The following MAMLD1 variants were observed in gnomAD, a reference collection of about 807,000 sequenced individuals.
The protein encoded by MAMLD1 is mastermind-like domain-containing protein 1.
Under a neutral mutation model 45.0 loss-of-function variants are expected in MAMLD1, and 14 were observed. The ratio of observed to expected loss-of-function variants is 0.31; its 90% CI spans 0.21 to 0.49. The LOEUF is 0.49. Among genes scored for constraint, MAMLD1 ranks in the 20% least tolerant of loss-of-function variants. The pLI, the probability that MAMLD1 is intolerant of heterozygous loss-of-function variation, is 0.99. For synonymous variants in MAMLD1, 254 were observed against 247.8 expected (o/e 1.02, Z -0.24); for missense variants, 543 against 603.6 (o/e 0.90, Z 1.05).
Position 150,402,103 on chromosome X carries a change from G to T in MAMLD1, c.-64+38573G>T, listed in dbSNP as rs6627396. ...AATTAAACTAAAGAGCTTCTGCACA[G>T]CAAAAGAAACTACCATCAGAGTGAA... On this transcript the variant is annotated intron_variant, in intron 1 of 7. Coordinates refer to ENST00000370401, the MANE Select transcript of MAMLD1 (RefSeq NM_005491.5). 2.5e-3 allele frequency among the ~76,000 whole-genome samples: 280 copies of T among 111,142 alleles called. 10 individuals carry two copies. In the East Asian group the frequency reaches 0.066, roughly 26 times the overall value.
chrX:150,511,723 T>C (rs782372953), intron 7 of MAMLD1, among the ~76,000 whole-genome samples: 74 of 112,399 alleles, frequency 6.6e-4, no homozygotes, highest in African/African-American at 2.4e-3. Flanking sequence ...TCCAATTTTC[T>C]TGAAGAGACA....
At chrX:150,460,846 G>A (rs2036014045) in intron 2 of MAMLD1, among the ~76,000 whole-genome samples, 1 of 112,086 alleles carries the variant, frequency 8.9e-6, no homozygotes, top group African/African-American at 3.2e-5. Context: ...AAATGTACCA[G>A]TAGCCCCTCT....
intron 5 of MAMLD1, among the ~76,000 whole-genome samples, chrX:150,498,918 G>A (rs1429313839): frequency 1.8e-5 from 2 of 112,439 alleles, no homozygotes; most frequent in African/African-American, 6.5e-5. Flanking sequence ...TTTCCCCGGT[G>A]CATTATTTCA....
At position 150,365,664 on chromosome X, in the gene MAMLD1, C is replaced by G. The variant is rs1190983785; in HGVS notation, c.-64+2134C>G. On this transcript the variant is annotated intron_variant, in intron 1 of 7. Coordinates refer to ENST00000370401, the MANE Select transcript of MAMLD1 (RefSeq NM_005491.5). Reference sequence around the variant, plus strand: ...GTCTGGCTACACGCCTCATTTCTTCCCGCGCCCTCCTGCCACACCCTCCGC... The same window carrying G: ...GTCTGGCTACACGCCTCATTTCTTCGCGCGCCCTCCTGCCACACCCTCCGC... Among the ~76,000 whole-genome samples, 4 of 113,197 alleles carry G rather than the reference C, an allele frequency of 3.5e-5. 1 individual carries two copies. In the Admixed American group the frequency reaches 3.7e-4, roughly 10 times the overall value.
chrX:150,395,089 T>C (rs1471840778), intron 1 of MAMLD1, among the ~76,000 whole-genome samples: 7 of 111,587 alleles, frequency 6.3e-5, no homozygotes, highest in Admixed American at 1.9e-4. Flanking sequence ...ATATTCTTTT[T>C]CAAGTTGAGG....
chrX:150,456,159 G>A (rs2266829), intron 2 of MAMLD1, among the ~76,000 whole-genome samples: 38,692 of 109,429 alleles, frequency 0.35, 5,134 homozygotes, highest in Middle Eastern at 0.47. Flanking sequence ...TTACCTCTGG[G>A]TTCATTCGGG....
At position 150,469,976 on chromosome X, in the gene MAMLD1, C is replaced by T. The variant is rs1557406251; in HGVS notation, c.403C>T (p.Pro135Ser). 8.3e-7 allele frequency: 1 copy of T among 1,209,839 alleles called. No individual in the cohort carries two copies. Among genetic ancestry groups the T allele is most frequent in the Admixed American group, 2.2e-5 (1 of 45,769 alleles). Residue 135 changes from proline (P) to serine (S), a missense_variant, in exon 4 of 8, where the codon CCT becomes TCT. Transcript: ENST00000370401. ...AGQSLLLENN[P>S]MNGNIMGSPF... ...CCAGTCATTACTGCTGGAGAATAAC[C>T]CTATGAATGGCAACATCATGGGCTC...
In MAMLD1 at chrX:150,386,280, G is replaced by A. The variant is rs183639091; in HGVS notation, c.-64+22750G>A. Among the ~76,000 whole-genome samples the A allele has an allele frequency of 2.5e-3, 278 of 111,682 alleles. 2 individuals carry two copies. Among genetic ancestry groups the A allele is most frequent in the African/African-American group, 8.8e-3 (269 of 30,724 alleles). ...AAACAATTATGGCATATTCAATAGT[G>A]TAATCCTTCCAGACTTTCATGATGT... On this transcript the variant is annotated intron_variant, in intron 1 of 7. Transcript: ENST00000370401.
rs372428869 is a variant in MAMLD1, at chrX:150,503,333, G to A, written c.2100G>A (p.Gly700=). Residue 700 remains glycine, a synonymous_variant, in exon 6 of 8, where the codon GGG becomes GGA. Transcript: ENST00000370401. ...GEARHPQVSL[G]RQPPSCQALG... Reference sequence around the variant, plus strand: ...CCAGGCACCCCCAGGTCAGCCTCGGGCGACAGCCCCCGTCCTGCCAGGCCC... The same window carrying A: ...CCAGGCACCCCCAGGTCAGCCTCGGACGACAGCCCCCGTCCTGCCAGGCCC... 4.1e-6 allele frequency: 5 copies of A among 1,212,099 alleles called. No individual in the cohort carries two copies. Among genetic ancestry groups the A allele is most frequent in the Non-Finnish European group, 5.6e-6 (5 of 895,381 alleles).
intron 5 of MAMLD1, among the ~76,000 whole-genome samples, chrX:150,497,577 G>A (rs782175016): frequency 2.0e-5 from 2 of 101,756 alleles, no homozygotes; most frequent in Non-Finnish European, 2.0e-5. Flanking sequence ...GAGCCACTGC[G>A]CCCAGCCAGA....
At chrX:150,474,020 C>T (rs912035939) in intron 5 of MAMLD1, among the ~76,000 whole-genome samples, 1 of 111,960 alleles carries the variant, frequency 8.9e-6, no homozygotes, top group Non-Finnish European at 1.9e-5. Context: ...ATAAAGGGGG[C>T]AAGCGACTTT....
chrX:150,381,043 AT>A (rs1269980001), intron 1 of MAMLD1, among the ~76,000 whole-genome samples: 2 of 110,759 alleles, frequency 1.8e-5, no homozygotes, highest in African/African-American at 6.6e-5. Context: ...TCGCAGCCCC[AT>A]TTTACAAATG....
intron 1 of MAMLD1, among the ~76,000 whole-genome samples, chrX:150,433,948 T>C (rs191166028): frequency 6.0e-4 from 67 of 112,098 alleles, no homozygotes; most frequent in African/African-American, 1.5e-3. Context: ...GATTCTTTCC[T>C]CCGCAGTTTT....
At chrX:150,456,011 G>C (rs1009657984) in intron 2 of MAMLD1, among the ~76,000 whole-genome samples, 1 of 111,044 alleles carries the variant, frequency 9.0e-6, no homozygotes, top group Non-Finnish European at 1.9e-5. Context: ...GTGATGTATG[G>C]TTTGGAAAAC....
intron 1 of MAMLD1, among the ~76,000 whole-genome samples, chrX:150,430,026 T>C (rs1557403976): frequency 1.3e-5 from 1 of 76,109 alleles, no homozygotes; most frequent in African/African-American, 5.3e-5. Context: ...TTTCTTTTTT[T>C]TTTTTTTTTT....
At chrX:150,478,666 G>A (rs1312031537) in intron 5 of MAMLD1, among the ~76,000 whole-genome samples, 1 of 112,643 alleles carries the variant, frequency 8.9e-6, no homozygotes, top group Non-Finnish European at 1.9e-5. Flanking sequence ...CCACTTGCCA[G>A]ATAAAGGACT....
chrX:150,445,045 C>A (rs2035442444), intron 1 of MAMLD1, among the ~76,000 whole-genome samples: 1 of 112,112 alleles, frequency 8.9e-6, no homozygotes. Context: ...ATTTAGCCAC[C>A]ATGTTTTCAT....
chrX:150,473,623 C>A, intron 4 of MAMLD1, 57 bp from the exon 5 acceptor site: 8 of 1,183,850 alleles, frequency 6.8e-6, no homozygotes, highest in Non-Finnish European at 5.7e-6. Context: ...GGCAGGCCAC[C>A]TGGGGCTCGG....
At chrX:150,502,432 T>C (rs1424573415) in intron 5 of MAMLD1, among the ~76,000 whole-genome samples, 1 of 112,615 alleles carries the variant, frequency 8.9e-6, no homozygotes, top group Non-Finnish European at 1.9e-5. Context: ...TGCTAAGCAC[T>C]TGGTGTGCTC....
Sources: gnomAD v4.1 joint callset for allele counts (sites outside exome capture counted in the v4.1 genomes callset) on GRCh38, gnomAD v4.1.1 for gene constraint, MANE v1.5 for transcripts, NCBI Gene and HGNC (gene_info 2026-07-23, HGNC 2026-07-21) for gene names.